SYNCRIP: variants seen among roughly 807,000 people sequenced by gnomAD.
The protein encoded by SYNCRIP is heterogeneous nuclear ribonucleoprotein Q.
Under a neutral mutation model 68.9 loss-of-function variants are expected in SYNCRIP, and 9 were observed. The ratio of observed to expected loss-of-function variants is 0.13; its 90% CI spans 0.08 to 0.23. The LOEUF is 0.23. Among genes scored for constraint, SYNCRIP ranks in the 10% least tolerant of loss-of-function variants. The pLI, the probability that SYNCRIP is intolerant of heterozygous loss-of-function variation, is 1.00. For missense variants in SYNCRIP, 414 were observed against 770.6 expected, an observed-to-expected ratio of 0.54 and a Z score of 5.48; for synonymous variants, 258 against 254.0, an observed-to-expected ratio of 1.02 and a Z score of -0.15.
At chr6:85,620,667 G>A (rs926502137) in intron 8 of SYNCRIP, among the ~76,000 whole-genome samples, 2 of 152,268 alleles carry the variant, frequency 1.3e-5, no homozygotes, top group South Asian at 2.1e-4. Context: ...ATCAATCTAC[G>A]TCCATCAATT....
rs1204801503 is a variant in SYNCRIP at position 85,628,053 on chromosome 6, ATTTCTTTTTTT to A, written c.667-3952_667-3942del. On this transcript the variant is annotated intron_variant, in intron 6 of 10. Transcript: ENST00000369622. ...ACCTCCAAAGCCTTCCACATTGAAG[ATTTCTTTTTTT>A]TTTCTTTTTGAGACCGAGTCTCACT... Among the ~76,000 whole-genome samples the A allele has an allele frequency of 2.0e-5, 3 of 151,610 alleles. No individual in the cohort carries two copies. In the East Asian group the frequency reaches 5.8e-4, roughly 29 times the overall value.
chr6:85,640,233 C>G lies in SYNCRIP; in HGVS notation c.363G>C (p.Glu121Asp), dbSNP rs1446843535. 2 of 1,612,270 alleles carry G rather than the reference C, an allele frequency of 1.2e-6. No homozygotes were observed. Among genetic ancestry groups the G allele is most frequent in the Non-Finnish European group, 1.7e-6 (2 of 1,179,016 alleles). The change falls in exon 4 of 11, where the codon GAG becomes GAC. Residue 121 changes from glutamate (E) to aspartate (D), a missense_variant. Coordinates refer to ENST00000369622, the MANE Select transcript of SYNCRIP (RefSeq NM_006372.5). ...TAGAAAGACATACCTTAATTTTTGC[C>G]TCATCTGGTCCTTTACTAGAATCTG... ...KVADSSKGPDEAKIKALLERT... is the reference protein window; with the variant it reads ...KVADSSKGPDDAKIKALLERT...
rs189506503 is a variant in SYNCRIP, at chr6:85,617,283, A to G, written c.1280+1535T>C. On this transcript the variant is annotated intron_variant, in intron 10 of 10. Transcript: ENST00000369622. Reference sequence around the variant, plus strand: ...TTTTAGTTTGTACTCCTTTTCAAATATTAACAGATATACTGACATCCTCCA... The same window carrying G: ...TTTTAGTTTGTACTCCTTTTCAAATGTTAACAGATATACTGACATCCTCCA... 7.2e-5 allele frequency among the ~76,000 whole-genome samples: 11 copies of G among 152,184 alleles called. No homozygotes were observed. In the East Asian group the frequency reaches 2.1e-3, roughly 29 times the overall value.
chr6:85,619,533 T>TAAAAAA, intron 8 of SYNCRIP, 116 bp from the exon 9 acceptor site: 1 of 907,506 alleles, frequency 1.1e-6, no homozygotes, highest in Non-Finnish European at 1.5e-6. Flanking sequence ...AATGTCAGAA[T>TAAAAAA]ATAAAAAAAA....
chr6:85,634,143 C>G (rs936611649), intron 6 of SYNCRIP, among the ~76,000 whole-genome samples: 1 of 152,146 alleles, frequency 6.6e-6, no homozygotes, highest in African/African-American at 2.4e-5. Flanking sequence ...AGACTATATT[C>G]TAAGCAACCT....
chr6:85,633,603 T>C (rs1808086152), intron 6 of SYNCRIP, among the ~76,000 whole-genome samples: 2 of 152,144 alleles, frequency 1.3e-5, no homozygotes, highest in African/African-American at 4.8e-5. Flanking sequence ...AAAAACTTAC[T>C]AAAAAGTCAA....
At chr6:85,637,618 A>G (rs757207943) in intron 4 of SYNCRIP, among the ~76,000 whole-genome samples, 1 of 152,246 alleles carries the variant, frequency 6.6e-6, no homozygotes, top group Non-Finnish European at 1.5e-5. Flanking sequence ...AATGGACAAC[A>G]AAAAGTTAAG....
At chr6:85,622,997 G>A (rs1296128040) in intron 7 of SYNCRIP, among the ~76,000 whole-genome samples, 1 of 152,098 alleles carries the variant, frequency 6.6e-6, no homozygotes, top group African/African-American at 2.4e-5. Context: ...CTAAGAAAAT[G>A]GCAGTATAGA....
At chr6:85,619,491 C>A in intron 8 of SYNCRIP, 74 bp from the exon 9 acceptor site, 2 of 1,325,632 alleles carry the variant, frequency 1.5e-6, no homozygotes, top group Non-Finnish European at 2.1e-6. Context: ...CCCCACCCTA[C>A]AAAGTTAACT....
Position 85,623,562 on chromosome 6 carries a change from CAAAA to C in SYNCRIP, c.802+411_802+414del, listed in dbSNP as rs67258131. On this transcript the variant is annotated intron_variant, in intron 7 of 10. Transcript: ENST00000369622. ...CTGGGCAACAAAGCAAGACTGTCTCCAAAAAAAAAAAAAAAAAAAAACACTCTGC... is the reference window on the plus strand; with the variant it reads ...CTGGGCAACAAAGCAAGACTGTCTCCAAAAAAAAAAAAAAAAACACTCTGC... Among the ~76,000 whole-genome samples the C allele has an allele frequency of 1.3e-4, 8 of 63,256 alleles. No individual in the cohort carries two copies. In the East Asian group the frequency reaches 1.7e-3, roughly 14 times the overall value. The allele number at this position is 63,256 out of a possible 152,430, so 41.5% of individuals were successfully genotyped here.
downstream of SYNCRIP, chr6:85,608,224 G>C (rs1268783615): frequency 6.6e-6 from 1 of 151,954 alleles, no homozygotes; most frequent in Non-Finnish European, 1.5e-5. Flanking sequence ...ATAATCAAAG[G>C]GCGACAGACC....
chr6:85,631,722 G>A (rs550477179), intron 6 of SYNCRIP, among the ~76,000 whole-genome samples: 4 of 152,316 alleles, frequency 2.6e-5, no homozygotes, highest in South Asian at 2.1e-4. Context: ...ACCTGGTGAC[G>A]TAACTTGTAC....
intron 6 of SYNCRIP, among the ~76,000 whole-genome samples, chr6:85,636,586 C>T (rs1345198654): frequency 6.6e-6 from 1 of 152,160 alleles, no homozygotes; most frequent in East Asian, 1.9e-4. Context: ...AAATGTATCA[C>T]AATGTCTTTT....
intron 8 of SYNCRIP, among the ~76,000 whole-genome samples, chr6:85,621,227 C>A (rs1196966526): frequency 6.6e-6 from 1 of 152,184 alleles, no homozygotes; most frequent in Middle Eastern, 3.2e-3. Context: ...CAATAATATT[C>A]ATAGCTCCCT....
chr6:85,635,131 C>T (rs1808297609), intron 6 of SYNCRIP, among the ~76,000 whole-genome samples: 1 of 152,156 alleles, frequency 6.6e-6, no homozygotes, highest in South Asian at 2.1e-4. Flanking sequence ...TGCCCACACA[C>T]TCCAGCGTGG....
chr6:85,634,746 T>C (rs1808253537), intron 6 of SYNCRIP, among the ~76,000 whole-genome samples: 3 of 152,334 alleles, frequency 2.0e-5, no homozygotes, highest in Non-Finnish European at 4.4e-5. Flanking sequence ...TGCTACTTTA[T>C]TGCTACTTGG....
intron 3 of SYNCRIP, 26 bp downstream of exon 3, chr6:85,640,420 A>T (rs759519576): frequency 2.3e-5 from 36 of 1,585,954 alleles, no homozygotes; most frequent in Non-Finnish European, 2.8e-5. Flanking sequence ...CAAATTTTTT[A>T]ATTTTCACAT....
At chr6:85,633,059 T>C (rs1176823671) in intron 6 of SYNCRIP, among the ~76,000 whole-genome samples, 1 of 150,790 alleles carries the variant, frequency 6.6e-6, no homozygotes, top group Admixed American at 6.6e-5. Context: ...GAGACCATCC[T>C]GGCTAACACG....
At chr6:85,633,136 G>A (rs1239616795) in intron 6 of SYNCRIP, among the ~76,000 whole-genome samples, 1 of 151,672 alleles carries the variant, frequency 6.6e-6, no homozygotes, top group African/African-American at 2.4e-5. Context: ...GGTGCCTGTA[G>A]TACCAGCTAC....
Sources: gnomAD v4.1 joint callset for allele counts (sites outside exome capture counted in the v4.1 genomes callset) on GRCh38, gnomAD v4.1.1 for gene constraint, MANE v1.5 for transcripts, NCBI Gene and HGNC (gene_info 2026-07-23, HGNC 2026-07-21) for gene names.